Variants in CARM1 observed in about 807,000 individuals in gnomAD.
The protein encoded by CARM1 is coactivator associated arginine methyltransferase 1, also known as histone-arginine methyltransferase CARM1.
In CARM1, 14 loss-of-function variants were observed where a neutral mutation model predicts 72.7. The observed-to-expected ratio is 0.19, with a 90% CI of 0.13 to 0.30. The LOEUF (loss-of-function observed/expected upper bound fraction) is 0.30, where lower values mean the gene tolerates loss of function less well. CARM1 is among the 10% of genes least tolerant of loss of function. CARM1 has a pLI of 1.00. For synonymous variants in CARM1, 333 were observed against 345.5 expected (o/e 0.96, Z 0.40); for missense variants, 432 against 833.7 (o/e 0.52, Z 5.93).
intron 1 of CARM1, among the ~76,000 whole-genome samples, chr19:10,887,033 C>T (rs765517002): frequency 6.6e-6 from 1 of 152,200 alleles, no homozygotes; most frequent in Non-Finnish European, 1.5e-5. Context: ...GGGGGCACCA[C>T]CATGCCCAGC....
At chr19:10,879,991 G>C (rs963208449) in intron 1 of CARM1, among the ~76,000 whole-genome samples, 2 of 152,194 alleles carry the variant, frequency 1.3e-5, no homozygotes, top group African/African-American at 2.4e-5. Flanking sequence ...TCTGTGTAGG[G>C]GGTCTGGATG....
At chr19:10,889,548 C>G (rs1265011936) in intron 1 of CARM1, among the ~76,000 whole-genome samples, 2 of 148,762 alleles carry the variant, frequency 1.3e-5, no homozygotes. Flanking sequence ...AGGCTGGTCT[C>G]GAACTCCTGG....
chr19:10,916,907 TG>T lies in CARM1; in HGVS notation c.1020+133del. The T allele has an allele frequency of 1.5e-6, 1 of 669,910 alleles. No individual in the cohort carries two copies. The highest frequency in any genetic ancestry group is 2.5e-6 in the Non-Finnish European group (1 of 393,464). 41.5% of individuals were successfully genotyped at this position (669,910 alleles called of 1,614,324 possible). On this transcript the variant is annotated intron_variant, in intron 8 of 15. Coordinates refer to ENST00000327064, the MANE Select transcript of CARM1 (RefSeq NM_199141.2). This position sits in a 1 kb window ranked among gnomAD's most constrained non-coding sequence, Gnocchi z 4.4. The stretch of plus-strand genomic sequence containing the variant: ...CCTGCACAGCGCTCTCACAGAGATT[TG>T]GGCCAAAAGTGTCAATGCATGTAGA...
chr19:10,871,876 C>A lies in CARM1; in HGVS notation c.174C>A (p.Leu58=). ...ACGCGGAGCAGCAGGCGCTGCGCCT[C>A]GAGGTGCGCGCCGGCCCGGACTCGG... ...QRHAEQQALR[L]EVRAGPDSAG... The change falls in exon 1 of 16, where the codon CTC becomes CTA. Residue 58 remains leucine (L), a synonymous_variant. Transcript: ENST00000327064. The surrounding 1 kb of genome is among the most constrained non-coding windows in gnomAD (Gnocchi z 5.6). The A allele has an allele frequency of 3.2e-6, 4 of 1,262,880 alleles. No individual in the cohort carries two copies. Among genetic ancestry groups the A allele is most frequent in the Non-Finnish European group, 3.0e-6 (3 of 999,466 alleles). 78.2% of individuals were successfully genotyped at this position (1,262,880 alleles called of 1,614,324 possible).
At position 10,881,592 on chromosome 19, in the gene CARM1, A is replaced by G. The variant is rs901821214; in HGVS notation, c.220+9670A>G. Among the ~76,000 whole-genome samples, 5 of 151,704 alleles carry G rather than the reference A, an allele frequency of 3.3e-5. No individual in the cohort carries two copies. The East Asian group carries it at 9.8e-4, about 30-fold the overall frequency. On this transcript the variant is annotated intron_variant, in intron 1 of 15. Coordinates refer to ENST00000327064, the MANE Select transcript of CARM1 (RefSeq NM_199141.2). Reference sequence around the variant, plus strand: ...TGAGCAGGAGGTCACAGGTGACCTCAGAGAGCAGTCCCCTGGAGGGCTGGG... The same window carrying G: ...TGAGCAGGAGGTCACAGGTGACCTCGGAGAGCAGTCCCCTGGAGGGCTGGG...
chr19:10,890,750 T>TAC (rs1296998106), intron 1 of CARM1, among the ~76,000 whole-genome samples: 3 of 138,194 alleles, frequency 2.2e-5, no homozygotes, highest in Non-Finnish European at 4.6e-5. Context: ...CACATGCATA[T>TAC]ACACACACAC....
chr19:10,905,988 G>A (rs527972571), intron 2 of CARM1, among the ~76,000 whole-genome samples: 5 of 113,158 alleles, frequency 4.4e-5, no homozygotes, highest in African/African-American at 1.8e-4. Flanking sequence ...TCACTCTGTT[G>A]CCCAGGCTGG....
In CARM1 at chr19:10,916,104, C is replaced by T. The variant is rs930252399; in HGVS notation, c.848-303C>T. On this transcript the variant is annotated intron_variant, in intron 6 of 15. Transcript: ENST00000327064. This position sits in a 1 kb window ranked among gnomAD's most constrained non-coding sequence, Gnocchi z 4.4. The stretch of plus-strand genomic sequence containing the variant: ...CTGGCCACATCCCGGGCACTGCCTG[C>T]TTCCCCGTGAGTCTTTGGCAGGTCC... Among the ~76,000 whole-genome samples the T allele has an allele frequency of 1.6e-4, 24 of 152,254 alleles. No individual in the cohort carries two copies. The highest frequency in any genetic ancestry group is 5.5e-4 in the African/African-American group (23 of 41,476).
intron 1 of CARM1, among the ~76,000 whole-genome samples, chr19:10,884,714 T>A (rs74985239): frequency 0.019 from 2,917 of 151,626 alleles, 79 homozygotes; most frequent in African/African-American, 0.066. Flanking sequence ...TATTTTATTA[T>A]TTTTTTTTGA....
chr19:10,904,800 C>T, intron 1 of CARM1, 151 bp from the exon 2 acceptor site: 3 of 942,060 alleles, frequency 3.2e-6, no homozygotes, highest in South Asian at 1.6e-5. Flanking sequence ...GCAGTCAGGG[C>T]ACCCGGCAAT....
chr19:10,906,113 C>T (rs1274446218), intron 2 of CARM1, among the ~76,000 whole-genome samples: 3 of 150,478 alleles, frequency 2.0e-5, no homozygotes, highest in East Asian at 2.0e-4. Flanking sequence ...CCGTGCCTGG[C>T]TAATTTTTGT....
intron 1 of CARM1, among the ~76,000 whole-genome samples, chr19:10,875,069 G>T (rs527553837): frequency 6.6e-6 from 1 of 152,060 alleles, no homozygotes; most frequent in African/African-American, 2.4e-5. Context: ...GGTGATCAGT[G>T]CTGGGTGTAT....
At chr19:10,897,347 A>C (rs2074031927) in intron 1 of CARM1, among the ~76,000 whole-genome samples, 1 of 152,174 alleles carries the variant, frequency 6.6e-6, no homozygotes, top group Non-Finnish European at 1.5e-5. Flanking sequence ...CTCTTATGTC[A>C]TGTGACATCC....
chr19:10,915,046 G>A lies in CARM1; in HGVS notation c.847+992G>A, dbSNP rs1032820349. On this transcript the variant is annotated intron_variant, in intron 6 of 15. Transcript: ENST00000327064. The surrounding 1 kb of genome is among the most constrained non-coding windows in gnomAD (Gnocchi z 4.6). ...GTAGCAGCCATGGGATGGAGCGTGG[G>A]CAGCAGCAGGCTGGTGGGGCTTGTG... is the stretch of plus-strand genomic sequence containing the variant. Among the ~76,000 whole-genome samples, 1 of 152,216 alleles carries A rather than the reference G, an allele frequency of 6.6e-6. No homozygotes were observed. Among genetic ancestry groups the A allele is most frequent in the Non-Finnish European group, 1.5e-5 (1 of 68,030 alleles).
In CARM1 at chr19:10,894,730, T is replaced by C. The variant is rs1349869420; in HGVS notation, c.221-10221T>C. Among the ~76,000 whole-genome samples the C allele has an allele frequency of 5.0e-5, 7 of 140,360 alleles. No homozygotes were observed. In the East Asian group the frequency reaches 6.1e-4, roughly 12 times the overall value. The allele number at this position is 140,360 out of a possible 152,430, so 92.1% of individuals were successfully genotyped here. ...CACCTCCTTGTGTTTTTTTTTTTTT[T>C]CTCTCTCTCTCTTTTTTTTTTTCTT... On this transcript the variant is annotated intron_variant, in intron 1 of 15. Transcript: ENST00000327064.
chr19:10,874,476 C>A (rs1025913616), intron 1 of CARM1, among the ~76,000 whole-genome samples: 1 of 152,012 alleles, frequency 6.6e-6, no homozygotes, highest in African/African-American at 2.4e-5. Context: ...CAGCTCACTG[C>A]AGCCTTCCAT....
rs534625380 is a variant in CARM1 at position 10,916,732 on chromosome 19, C to G, written c.975C>G (p.Ala325=). The G allele has an allele frequency of 2.6e-6, 4 of 1,555,628 alleles. No homozygotes were observed. Among genetic ancestry groups the G allele is most frequent in the Non-Finnish European group, 3.5e-6 (4 of 1,149,530 alleles). ...CTTTCCATGGAGTGGACCTGTCGGCCCTCCGAGGTGCCGCGGTGGATGAGT... is the reference window on the plus strand; with the variant it reads ...CTTTCCATGGAGTGGACCTGTCGGCGCTCCGAGGTGCCGCGGTGGATGAGT... ...QPSFHGVDLS[A]LRGAAVDEYF... Residue 325 remains alanine, a synonymous_variant, in exon 8 of 16, where the codon GCC becomes GCG. Coordinates refer to ENST00000327064, the MANE Select transcript of CARM1 (RefSeq NM_199141.2). The surrounding 1 kb of genome is among the most constrained non-coding windows in gnomAD (Gnocchi z 4.4).
chr19:10,901,966 G>A (rs143326736), intron 1 of CARM1, among the ~76,000 whole-genome samples: 21 of 151,120 alleles, frequency 1.4e-4, no homozygotes, highest in African/African-American at 3.9e-4. Context: ...TATATAGGCC[G>A]GGCACAGTGG....
Position 10,896,707 on chromosome 19 carries a change from A to C in CARM1, c.221-8244A>C, listed in dbSNP as rs1182822052. Among the ~76,000 whole-genome samples, 2 of 152,090 alleles carry C rather than the reference A, an allele frequency of 1.3e-5. No individual in the cohort carries two copies. The highest frequency in any genetic ancestry group is 2.9e-5 in the Non-Finnish European group (2 of 68,016). ...CCTGCGTTCCTGCACTCTTCCCCTT[A>C]CTGGCATATCTGTCCCCAGTCTCCT... On this transcript the variant is annotated intron_variant, in intron 1 of 15. Coordinates refer to ENST00000327064, the MANE Select transcript of CARM1 (RefSeq NM_199141.2). The surrounding 1 kb of genome is among the most constrained non-coding windows in gnomAD (Gnocchi z 5.2).
Sources: allele counts gnomAD v4.1 joint callset (sites outside exome capture counted in the v4.1 genomes callset), GRCh38; gene constraint gnomAD v4.1.1; non-coding constraint Gnocchi (gnomAD v3.1); transcripts MANE v1.5; gene names NCBI Gene and HGNC (gene_info 2026-07-23, HGNC 2026-07-21).